The following HM13 variants were observed in gnomAD, a reference collection of about 807,000 sequenced individuals.
HM13 encodes histocompatibility minor 13.
HM13 carries 18 observed loss-of-function variants against 50.0 expected under a neutral mutation model. The ratio of observed to expected loss-of-function variants is 0.36; its 90% confidence interval spans 0.25 to 0.53. The LOEUF (loss-of-function observed/expected upper bound fraction) is 0.53. HM13 is among the 20% of genes least tolerant of loss of function. HM13 has a pLI of 0.90. For synonymous variants in HM13, 197 were observed against 232.6 expected (o/e 0.85, Z 1.39); for missense variants, 393 against 552.4 (o/e 0.71, Z 2.89).
At chr20:31,555,436 C>CAA (rs11472232) in intron 8 of HM13, among the ~76,000 whole-genome samples, 6 of 151,938 alleles carry the variant, frequency 3.9e-5, no homozygotes, top group Admixed American at 2.0e-4. Flanking sequence ...GGTATGGACA[C>CAA]GGGCCCTGTC....
chr20:31,538,065 G>T, intron 2 of HM13, 114 bp from the exon 3 acceptor site: 2 of 1,202,312 alleles, frequency 1.7e-6, no homozygotes, highest in Non-Finnish European at 2.3e-6. Flanking sequence ...CTTCCTGACT[G>T]TCCCCCGACT....
intron 10 of HM13, chr20:31,562,593 CTG>C (rs1177893441): frequency 6.6e-6 from 1 of 152,236 alleles, no homozygotes; most frequent in Non-Finnish European, 1.5e-5. Context: ...CCATGGAACT[CTG>C]GGCTTGCTGC....
At chr20:31,515,639 G>T (rs1457222065) in intron 1 of HM13, among the ~76,000 whole-genome samples, 2 of 152,024 alleles carry the variant, frequency 1.3e-5, no homozygotes, top group Non-Finnish European at 2.9e-5. Context: ...GACTGGGCCA[G>T]ACTCCATCCC....
At chr20:31,526,493 T>G (rs896379638) in intron 1 of HM13, among the ~76,000 whole-genome samples, 1 of 152,218 alleles carries the variant, frequency 6.6e-6, no homozygotes, top group African/African-American at 2.4e-5. Flanking sequence ...AATCTATTCC[T>G]ATGTTGATCT....
At chr20:31,563,399 A>C (rs376993731) in intron 10 of HM13, 10 of 152,412 alleles carry the variant, frequency 6.6e-5, no homozygotes, top group African/African-American at 2.4e-4. Flanking sequence ...ATCTCAGCTC[A>C]TTGGAGCTCC....
At chr20:31,537,584 T>C (rs953348005) in intron 2 of HM13, among the ~76,000 whole-genome samples, 7 of 152,212 alleles carry the variant, frequency 4.6e-5, no homozygotes, top group African/African-American at 1.7e-4. Flanking sequence ...CATGTGACCA[T>C]TGACTGGAGC....
chr20:31,532,474 T>G (rs891740349), intron 2 of HM13, among the ~76,000 whole-genome samples: 3 of 151,468 alleles, frequency 2.0e-5, no homozygotes, highest in African/African-American at 7.3e-5. Context: ...CCTTGGTTCA[T>G]AGCATACCAT....
Position 31,568,244 on chromosome 20 carries a change from C to T in HM13, c.1181+20C>T. On this transcript the variant is annotated intron_variant, in intron 12 of 12. Transcript: ENST00000398174. ...CGCCATGTAATGCCCAGCGGGTGCC[C>T]ACCTGCCCGCTTCCCCCTACTGCCC... 1 of 1,609,188 alleles carries T rather than the reference C, an allele frequency of 6.2e-7. No homozygotes were observed. Among genetic ancestry groups the T allele is most frequent in the African/African-American group, 1.3e-5 (1 of 75,024 alleles).
Position 31,554,823 on chromosome 20 carries a change from A to G in HM13, c.802A>G (p.Ile268Val), listed in dbSNP as rs1984224019. 6.2e-7 allele frequency: 1 copy of G among 1,613,758 alleles called. No homozygotes were observed. The highest frequency in any genetic ancestry group is 8.5e-7 in the Non-Finnish European group (1 of 1,179,722). The change falls in exon 8 of 13, where the codon ATT becomes GTT. Residue 268 changes from isoleucine to valine, a missense_variant. By Grantham distance (29) the Ile-to-Val change is conservative. Coordinates refer to ENST00000398174, the MANE Select transcript of HM13 (RefSeq NM_178581.3). ...FAMLGLGDVV[I>V]PGIFIALLLR... is the part of the protein sequence containing the mutation. Reference sequence around the variant, plus strand: ...CATGCTGGGACTTGGAGATGTCGTCATTCCAGGTGAGCCTGCTGGTGTGGG... The same window carrying G: ...CATGCTGGGACTTGGAGATGTCGTCGTTCCAGGTGAGCCTGCTGGTGTGGG...
At chr20:31,543,562 C>T (rs1983561561) in intron 3 of HM13, among the ~76,000 whole-genome samples, 2 of 151,864 alleles carry the variant, frequency 1.3e-5, no homozygotes, top group Non-Finnish European at 2.9e-5. Context: ...GTTGGGATTA[C>T]AGGCGTGAGC....
chr20:31,539,118 G>A, intron 3 of HM13: 1 of 985,442 alleles, frequency 1.0e-6, no homozygotes, highest in Non-Finnish European at 1.2e-6. Flanking sequence ...CTTTCAGTGG[G>A]GAGAGTGGTT....
At position 31,541,146 on chromosome 20, in the gene HM13, T is replaced by C. The variant is rs559808804; in HGVS notation, c.365+2885T>C. On this transcript the variant is annotated intron_variant, in intron 3 of 12. Transcript: ENST00000398174. ...GAAGAATAATTTTCTTAATGAAATT[T>C]AGAGCAACAAAATTTGACCTGGGAA... 3 of 152,204 alleles carry C rather than the reference T, an allele frequency of 2.0e-5. No homozygotes were observed. In the South Asian group the frequency reaches 6.2e-4, roughly 32 times the overall value. 9.4% of individuals were successfully genotyped at this position (152,204 alleles called of 1,614,324 possible).
intron 4 of HM13, chr20:31,548,691 G>A (rs1241693849): frequency 2.8e-6 from 1 of 356,086 alleles, no homozygotes; most frequent in Non-Finnish European, 5.3e-6. Context: ...GAAAACTGAA[G>A]CTCAGAGAGG....
rs773786478 is a variant in HM13, at chr20:31,549,033, C to G, written c.459C>G (p.Ile153Met). The part of the protein sequence containing the change: ...TQGSGENKEE[I>M]INYEFDTKDL... ...TTACCTGGCCTCTCTGCTCAGAGAT[C>G]ATCAATTATGAATTTGACACCAAGG... The change falls in exon 5 of 13, where the codon ATC (isoleucine) becomes ATG (methionine). Residue 153 changes from isoleucine (I) to methionine (M), a missense_variant. By Grantham distance (10) the Ile-to-Met change is conservative (BLOSUM62 1). This residue lies in a region of HM13 where 214 missense variants were observed against 276.1 expected (regional missense o/e 0.77). Transcript: ENST00000398174. The G allele has an allele frequency of 4.3e-6, 7 of 1,613,990 alleles. No individual in the cohort carries two copies. The African/African-American group carries it at 9.3e-5, about 22-fold the overall frequency.
chr20:31,516,877 AACTGAGGTGGC>A, intron 1 of HM13, among the ~76,000 whole-genome samples: 1 of 152,220 alleles, frequency 6.6e-6, no homozygotes, highest in Non-Finnish European at 1.5e-5. Context: ...TGCTCACAGC[AACTGAGGTGGC>A]AGGCAGAGCC....
intron 2 of HM13, among the ~76,000 whole-genome samples, chr20:31,529,012 G>A (rs1165232098): frequency 6.6e-6 from 1 of 152,114 alleles, no homozygotes; most frequent in Non-Finnish European, 1.5e-5. Context: ...TTGTTTATTG[G>A]TTTGTTTAGA....
At chr20:31,564,547 C>T (rs570007281) in intron 10 of HM13, among the ~76,000 whole-genome samples, 6 of 151,774 alleles carry the variant, frequency 4.0e-5, no homozygotes, top group Admixed American at 3.3e-4. Flanking sequence ...ACTGCACTTC[C>T]GTCTGGGAGA....
chr20:31,565,192 C>CT (rs1382857494), intron 10 of HM13, among the ~76,000 whole-genome samples: 1 of 149,250 alleles, frequency 6.7e-6, no homozygotes, highest in Admixed American at 6.7e-5. Context: ...GAAAGAAACT[C>CT]TTTGGGCTGG....
chr20:31,535,646 T>G (rs965448668), intron 2 of HM13: 13 of 152,234 alleles, frequency 8.5e-5, no homozygotes, highest in African/African-American at 2.9e-4. Flanking sequence ...CTCATAGGTC[T>G]TTTTCTTGTA....
Sources: gnomAD v4.1 joint callset for allele counts (sites outside exome capture counted in the v4.1 genomes callset) on GRCh38, gnomAD v4.1.1 for gene constraint, gnomAD v4.1.1 regional missense constraint, MANE v1.5 for transcripts, NCBI Gene and HGNC (gene_info 2026-07-23, HGNC 2026-07-21) for gene names.